CCDC82: variants seen among roughly 807,000 people sequenced by gnomAD.
The protein encoded by CCDC82 is coiled-coil domain-containing protein 82.
In CCDC82, 47 loss-of-function variants were observed where a neutral mutation model predicts 60.6. The ratio of observed to expected loss-of-function variants is 0.77; its 90% confidence interval spans 0.61 to 0.99. CCDC82 has a LOEUF of 0.99. CCDC82 is among the 50% of genes least tolerant of loss of function. CCDC82 has a pLI of 0.00. For missense variants in CCDC82, 588 were observed against 633.0 expected (o/e 0.93, Z 0.76); for synonymous variants, 212 against 207.4 (o/e 1.02, Z -0.19).
intron 9 of CCDC82, chr11:96,358,598 C>T: frequency 2.4e-6 from 3 of 1,235,122 alleles, no homozygotes; most frequent in Non-Finnish European, 3.0e-6. Context: ...TGCTTCTTCA[C>T]TCTCAGGTCA....
intron 4 of CCDC82, 112 bp from the exon 5 acceptor site, chr11:96,383,585 CTTCAT>C: frequency 1.5e-6 from 1 of 660,410 alleles, no homozygotes; most frequent in Non-Finnish European, 2.4e-6. Flanking sequence ...TAGTAATTAA[CTTCAT>C]ATTTTAAAGT....
At chr11:96,373,094 ACT>A (rs1485936391) in intron 6 of CCDC82, among the ~76,000 whole-genome samples, 1 of 152,086 alleles carries the variant, frequency 6.6e-6, no homozygotes, top group African/African-American at 2.4e-5. Flanking sequence ...GTATTAAGAC[ACT>A]CTGCTGTTTT....
Position 96,353,263 on chromosome 11 carries a change from C to G in CCDC82, c.*383G>C, listed in dbSNP as rs1192404112. ...TCATTTAATACTGTAAAAGAATAAA[C>G]AGATCTGGACAGGAATTCCGTAAAA... On this transcript the variant is annotated 3_prime_UTR_variant, in exon 10 of 10. Transcript: ENST00000646818. The G allele has an allele frequency of 5.9e-6, 1 of 168,258 alleles. No individual in the cohort carries two copies. The highest frequency in any genetic ancestry group is 1.3e-5 in the Non-Finnish European group (1 of 79,128). The allele number at this position is 168,258 out of a possible 1,614,324, so 10.4% of individuals were successfully genotyped here.
chr11:96,359,650 A>G (rs1475898984), intron 8 of CCDC82, among the ~76,000 whole-genome samples: 1 of 150,852 alleles, frequency 6.6e-6, no homozygotes, highest in Admixed American at 6.6e-5. Context: ...AGTAAAAAAA[A>G]AAAAAAAAAA....
rs771606338 is a variant in CCDC82 at position 96,371,117 on chromosome 11, A to G, written c.1105T>C (p.Tyr369His). The change falls in exon 7 of 10, where the codon TAT (tyrosine) becomes CAT (histidine). Residue 369 changes from tyrosine (Y) to histidine (H), a missense_variant. Coordinates refer to ENST00000646818, the MANE Select transcript of CCDC82 (RefSeq NM_024725.4). ...TLYDGTRQKS[Y>H]AKDMLTSLHY... is the part of the protein sequence containing the mutation. ...AGAGATGTTAGCATATCTTTTGCAT[A>G]TGATTTTTGCCTTGTGCCATCTGTT... The G allele has an allele frequency of 2.5e-6, 4 of 1,595,632 alleles. No homozygotes were observed. The South Asian group carries it at 3.5e-5, about 14-fold the overall frequency.
intron 1 of CCDC82, chr11:96,387,898 G>A (rs187934934): frequency 1.3e-5 from 2 of 152,272 alleles, no homozygotes; most frequent in Admixed American, 1.3e-4. Flanking sequence ...GGAGTCCCCA[G>A]TGAGCCCAAA....
At chr11:96,384,862 C>A in intron 3 of CCDC82, 101 bp from the exon 4 acceptor site, 4 of 679,454 alleles carry the variant, frequency 5.9e-6, no homozygotes, top group African/African-American at 1.8e-5. Flanking sequence ...ATTTAATGGT[C>A]CACAAACACA....
intron 7 of CCDC82, among the ~76,000 whole-genome samples, chr11:96,367,411 T>C (rs905599240): frequency 2.6e-5 from 4 of 152,262 alleles, no homozygotes; most frequent in African/African-American, 9.6e-5. Flanking sequence ...CAACAATGTT[T>C]GTAGTATCTT....
intron 8 of CCDC82, among the ~76,000 whole-genome samples, chr11:96,361,032 A>G (rs1864636421): frequency 6.6e-6 from 1 of 152,204 alleles, no homozygotes; most frequent in African/African-American, 2.4e-5. Context: ...TTCCAATTCA[A>G]CCTTATCATC....
At chr11:96,358,726 CG>C in intron 9 of CCDC82, 1 of 1,077,708 alleles carries the variant, frequency 9.3e-7, no homozygotes, top group Non-Finnish European at 1.2e-6. Flanking sequence ...TACATAAAAG[CG>C]AAAGGACAGA....
Position 96,353,408 on chromosome 11 carries a change from C to G in CCDC82, c.*238G>C. On this transcript the variant is annotated 3_prime_UTR_variant, in exon 10 of 10. Transcript: ENST00000646818. ...CTGTTATAAAGCCATTATTATATAA[C>G]TTTAAAATATATTTACAGACTTAAA... 4 of 405,056 alleles carry G rather than the reference C, an allele frequency of 9.9e-6. No individual in the cohort carries two copies. Among genetic ancestry groups the G allele is most frequent in the Non-Finnish European group, 1.8e-5 (4 of 226,548 alleles). The allele number at this position is 405,056 out of a possible 1,614,324, so 25.1% of individuals were successfully genotyped here.
intron 9 of CCDC82, chr11:96,356,107 T>C (rs1466885457): frequency 6.6e-6 from 1 of 152,194 alleles, no homozygotes; most frequent in Non-Finnish European, 1.5e-5. Context: ...GCTAAAAATA[T>C]TGGATGTTTA....
At chr11:96,360,088 A>G (rs1318354099) in intron 8 of CCDC82, among the ~76,000 whole-genome samples, 2 of 148,604 alleles carry the variant, frequency 1.3e-5, no homozygotes, top group Non-Finnish European at 3.0e-5. Context: ...AGACAGTCTG[A>G]CTGCACTGAC....
At position 96,384,108 on chromosome 11, in the gene CCDC82, C is replaced by T. The variant is rs775320210; in HGVS notation, c.640G>A (p.Val214Ile). Residue 214 changes from valine (V) to isoleucine (I), a missense_variant, in exon 4 of 10, where the codon GTT becomes ATT. Transcript: ENST00000646818. ...KVGVKRPRRV[V>I]EDEGSSVEME... ...TCCACTGAAGAACCTTCATCTTCAA[C>T]CACTCTACGGGGACGTTTAACACCT... is the stretch of plus-strand genomic sequence containing the variant. 6.2e-6 allele frequency: 10 copies of T among 1,613,626 alleles called. No individual in the cohort carries two copies. In the South Asian group the frequency reaches 1.1e-4, roughly 18 times the overall value.
At chr11:96,373,586 C>A in intron 5 of CCDC82, 119 bp from the exon 6 acceptor site, 1 of 581,780 alleles carries the variant, frequency 1.7e-6, no homozygotes, top group Non-Finnish European at 3.0e-6. Context: ...ACAGCTTAAT[C>A]ATCCTAATTT....
chr11:96,365,214 A>G, intron 7 of CCDC82, 64 bp from the exon 8 acceptor site: 1 of 1,050,514 alleles, frequency 9.5e-7, no homozygotes, highest in Non-Finnish European at 1.3e-6. Flanking sequence ...GTAAGAATCT[A>G]ACCAATTAAA....
In CCDC82 at chr11:96,357,109, C is replaced by G. The variant is rs566316266; in HGVS notation, c.1566+1884G>C. 3.0e-6 allele frequency: 3 copies of G among 985,378 alleles called. No homozygotes were observed. In the East Asian group the frequency reaches 3.4e-4, roughly 112 times the overall value. 61.0% of individuals were successfully genotyped at this position (985,378 alleles called of 1,614,324 possible). A position where few individuals can be genotyped will look rare whatever the true frequency, so the allele number is the denominator to read the frequency against. On this transcript the variant is annotated intron_variant, in intron 9 of 9. Transcript: ENST00000646818. ...ACAAAGTACATGCAGTGCTATCACTCAAAGGCACACAGTGAGAGGGACAGA... is the reference window on the plus strand; with the variant it reads ...ACAAAGTACATGCAGTGCTATCACTGAAAGGCACACAGTGAGAGGGACAGA...
chr11:96,356,783 A>G (rs1864371675), intron 9 of CCDC82: 1 of 985,304 alleles, frequency 1.0e-6, no homozygotes, highest in Non-Finnish European at 1.2e-6. Flanking sequence ...AAGGAAGAAC[A>G]AAAAGAATGA....
At chr11:96,387,014 C>T (rs1000924316) in intron 2 of CCDC82, 3 of 152,120 alleles carry the variant, frequency 2.0e-5, no homozygotes, top group African/African-American at 7.2e-5. Flanking sequence ...CTGTATAGTA[C>T]AAAAAAGTAT....
Sources: allele counts gnomAD v4.1 joint callset (sites outside exome capture counted in the v4.1 genomes callset), GRCh38; gene constraint gnomAD v4.1.1; transcripts MANE v1.5; gene names NCBI Gene and HGNC (gene_info 2026-07-23, HGNC 2026-07-21).